The following SYNPO2 variants were observed in gnomAD, a reference collection of about 807,000 sequenced individuals.
The protein encoded by SYNPO2 is synaptopodin 2, also known as synaptopodin-2.
A neutral mutation model predicts 85.0 loss-of-function variants in SYNPO2; 56 were observed. The observed-to-expected ratio is 0.66, with a 90% CI of 0.53 to 0.82. SYNPO2 has a LOEUF of 0.82. Among genes scored for constraint, SYNPO2 ranks in the 40% least tolerant of loss-of-function variants. SYNPO2 has a pLI of 0.00. For synonymous variants in SYNPO2, 602 were observed against 591.1 expected, an observed-to-expected ratio of 1.02 and a Z score of -0.27; for missense variants, 1,575 against 1,534.2, an observed-to-expected ratio of 1.03 and a Z score of -0.44.
At chr4:119,033,754 A>T (rs1327674912) in intron 4 of SYNPO2, 1 of 984,990 alleles carries the variant, frequency 1.0e-6, no homozygotes, top group Non-Finnish European at 1.2e-6. Context: ...TCCATATTTT[A>T]AAAAAATCTT....
chr4:118,961,500 T>C (rs929271401), intron 1 of SYNPO2, among the ~76,000 whole-genome samples: 1 of 152,198 alleles, frequency 6.6e-6, no homozygotes, highest in Non-Finnish European at 1.5e-5. Context: ...ATTACTCAGG[T>C]GTCCGTTCAA....
rs191129243 is a variant in SYNPO2 at position 118,973,016 on chromosome 4, A to G, written c.106-50414A>G. 1.2e-3 allele frequency among the ~76,000 whole-genome samples: 184 copies of G among 152,280 alleles called. 2 individuals carry two copies. Among genetic ancestry groups the G allele is most frequent in the African/African-American group, 4.3e-3 (177 of 41,554 alleles). ...CAACTTATGATGTTTCAACTTTACA[A>G]TGGGCTTATACATGCATTAAATGCA... On this transcript the variant is annotated intron_variant, in intron 1 of 4. Coordinates refer to ENST00000307142, the MANE Select transcript of SYNPO2 (RefSeq NM_133477.3).
intron 1 of SYNPO2, among the ~76,000 whole-genome samples, chr4:118,905,443 C>CGCGT (rs1732900691): frequency 6.7e-6 from 1 of 150,154 alleles, no homozygotes. Flanking sequence ...TGTGTGTGTG[C>CGCGT]GTGTGTGTGT....
chr4:119,023,296 T>G, intron 1 of SYNPO2, 134 bp from the exon 2 acceptor site: 1 of 827,370 alleles, frequency 1.2e-6, no homozygotes, highest in Non-Finnish European at 1.8e-6. Context: ...AGTATTTAAA[T>G]GGTCTTACAG....
intron 1 of SYNPO2, among the ~76,000 whole-genome samples, chr4:119,007,253 CATATATATATATATATATATATGTAT>C (rs1737094579): frequency 3.7e-4 from 14 of 38,144 alleles, no homozygotes; most frequent in Non-Finnish European, 5.3e-4. Flanking sequence ...TATGTATATA[CATATATATATATATATATATATGTAT>C]ATACATATAT....
intron 4 of SYNPO2, chr4:119,036,960 G>C (rs1473875216): frequency 4.8e-6 from 6 of 1,255,258 alleles, no homozygotes; most frequent in South Asian, 3.2e-5. Flanking sequence ...ACTCCTACAG[G>C]GTCCTAGAGT....
chr4:118,921,376 C>G (rs145698069), intron 1 of SYNPO2, among the ~76,000 whole-genome samples: 1 of 152,250 alleles, frequency 6.6e-6, no homozygotes, highest in African/African-American at 2.4e-5. Context: ...CTGGATCTTG[C>G]CTTCAAACCC....
chr4:119,014,798 G>T (rs531995385), intron 1 of SYNPO2, among the ~76,000 whole-genome samples: 1 of 152,156 alleles, frequency 6.6e-6, no homozygotes, highest in Admixed American at 6.5e-5. Context: ...TCCCCGAAAG[G>T]CTGTCTTTCT....
intron 1 of SYNPO2, among the ~76,000 whole-genome samples, chr4:118,898,536 A>C (rs1233508303): frequency 1.3e-5 from 2 of 152,218 alleles, no homozygotes; most frequent in African/African-American, 2.4e-5. Context: ...ACATGGGTTA[A>C]GCACTTTAGG....
intron 1 of SYNPO2, among the ~76,000 whole-genome samples, chr4:118,875,933 C>A (rs935437909): frequency 1.3e-5 from 2 of 152,228 alleles, no homozygotes; most frequent in Non-Finnish European, 2.9e-5. Context: ...TTCCACTAAA[C>A]CCAAACTGAA....
At position 118,996,035 on chromosome 4, in the gene SYNPO2, A is replaced by G. The variant is rs535135212; in HGVS notation, c.106-27395A>G. Among the ~76,000 whole-genome samples the G allele has an allele frequency of 4.6e-5, 7 of 152,238 alleles. No homozygotes were observed. The South Asian group carries it at 1.0e-3, about 23-fold the overall frequency. ...TACTGAAAAGCTTTTGCTAGCTCCT[A>G]TCACCTACAATGGAAAGCCTGAACT... On this transcript the variant is annotated intron_variant, in intron 1 of 4. Coordinates refer to ENST00000307142, the MANE Select transcript of SYNPO2 (RefSeq NM_133477.3).
At chr4:118,895,557 T>C (rs1732523802) in intron 1 of SYNPO2, among the ~76,000 whole-genome samples, 1 of 152,182 alleles carries the variant, frequency 6.6e-6, no homozygotes, top group South Asian at 2.1e-4. Context: ...ATCAGGCTTC[T>C]GATAATCTCT....
chr4:118,895,896 C>T (rs1377330797), intron 1 of SYNPO2, among the ~76,000 whole-genome samples: 1 of 152,076 alleles, frequency 6.6e-6, no homozygotes, highest in Non-Finnish European at 1.5e-5. Flanking sequence ...ATATATTTGG[C>T]TAAAAATACT....
In SYNPO2 at chr4:118,963,632, T is replaced by A. The variant is rs187000598; in HGVS notation, c.106-59798T>A. On this transcript the variant is annotated intron_variant, in intron 1 of 4. Transcript: ENST00000307142. The stretch of plus-strand genomic sequence containing the variant: ...TCCAGCTCACATCTTTACATTTTTT[T>A]AAAAAAATCAGATTTTATTATACTT... Among the ~76,000 whole-genome samples the A allele has an allele frequency of 4.8e-4, 73 of 152,306 alleles. No individual in the cohort carries two copies. The South Asian group carries it at 5.4e-3, about 11-fold the overall frequency.
At chr4:118,986,066 CCTT>C (rs1180468642) in intron 1 of SYNPO2, among the ~76,000 whole-genome samples, 1 of 152,164 alleles carries the variant, frequency 6.6e-6, no homozygotes, top group East Asian at 1.9e-4. Context: ...ATGAAAGAAA[CCTT>C]CTTCCCCTCT....
chr4:119,058,410 G>T lies in SYNPO2; in HGVS notation c.*476G>T, dbSNP rs1333909166. On this transcript the variant is annotated 3_prime_UTR_variant, in exon 5 of 5. Coordinates refer to ENST00000307142, the MANE Select transcript of SYNPO2 (RefSeq NM_133477.3). Reference sequence around the variant, plus strand: ...AGAAATTTCTCATAGGGGCATGCCAGTGAGCAATTACTTTATAAAAATATT... The same window carrying T: ...AGAAATTTCTCATAGGGGCATGCCATTGAGCAATTACTTTATAAAAATATT... 1 of 150,688 alleles carries T rather than the reference G, an allele frequency of 6.6e-6. No homozygotes were observed. The highest frequency in any genetic ancestry group is 1.5e-5 in the Non-Finnish European group (1 of 68,020). The allele number at this position is 150,688 out of a possible 1,614,324, so 9.3% of individuals were successfully genotyped here.
At position 119,030,094 on chromosome 4, in the gene SYNPO2, C is replaced by T; in HGVS notation, c.1319C>T (p.Ala440Val). Residue 440 changes from alanine to valine, a missense_variant, in exon 4 of 5, where the codon GCA (alanine) becomes GTA (valine). By Grantham distance (64) the Ala-to-Val change is moderately conservative (BLOSUM62 0). Around this residue, in one of 3 missense-constraint regions of SYNPO2, gnomAD observed 1,508 missense variants for 1,446.8 expected, o/e 1.04. Coordinates refer to ENST00000307142, the MANE Select transcript of SYNPO2 (RefSeq NM_133477.3). Reference protein sequence around the residue: ...EDTCEVAFLGASESEVDEELL... With the variant: ...EDTCEVAFLGVSESEVDEELL... ...ACATGTGAAGTAGCATTTCTTGGTG[C>T]AAGCGAATCAGAGGTGGATGAAGAG... The T allele has an allele frequency of 6.8e-6, 11 of 1,614,066 alleles. No homozygotes were observed. The highest frequency in any genetic ancestry group is 8.5e-6 in the Non-Finnish European group (10 of 1,180,018).
intron 4 of SYNPO2, chr4:119,035,777 C>A: frequency 1.0e-6 from 1 of 981,094 alleles, no homozygotes; most frequent in Non-Finnish European, 1.2e-6. Flanking sequence ...TATCACATAG[C>A]CTAAATTCTA....
chr4:118,927,760 T>C (rs1366215148), intron 1 of SYNPO2, among the ~76,000 whole-genome samples: 3,186 of 120,482 alleles, frequency 0.026, 83 homozygotes, highest in African/African-American at 0.056. Context: ...GATAGATAGA[T>C]ATATAGATAG....
Sources: gnomAD v4.1 joint callset for allele counts (sites outside exome capture counted in the v4.1 genomes callset) on GRCh38, gnomAD v4.1.1 for gene constraint, gnomAD v4.1.1 regional missense constraint, MANE v1.5 for transcripts, NCBI Gene and HGNC (gene_info 2026-07-23, HGNC 2026-07-21) for gene names.